Variants in FRMD4A observed in about 807,000 individuals in gnomAD.
The protein encoded by FRMD4A is FERM domain containing 4A, also known as FERM domain-containing protein 4A.
FRMD4A carries 29 observed loss-of-function variants against 129.1 expected under a neutral mutation model. The observed-to-expected ratio is 0.22, with a 90% CI of 0.17 to 0.31. The LOEUF (loss-of-function observed/expected upper bound fraction) is 0.31, where lower values mean the gene tolerates loss of function less well. FRMD4A is among the 10% of genes least tolerant of loss of function. FRMD4A has a pLI of 1.00. For synonymous variants in FRMD4A, 634 were observed against 571.6 expected, an observed-to-expected ratio of 1.11 and a Z score of -1.56; for missense variants, 1,272 against 1,375.8, an observed-to-expected ratio of 0.92 and a Z score of 1.19.
At chr10:13,703,778 G>A (rs1284075529) in intron 13 of FRMD4A, among the ~76,000 whole-genome samples, 1 of 152,178 alleles carries the variant, frequency 6.6e-6, no homozygotes, top group African/African-American at 2.4e-5. Context: ...ACACTGAGGC[G>A]GGTGGATCAC....
chr10:13,848,646 G>C (rs570556896), intron 3 of FRMD4A, among the ~76,000 whole-genome samples: 3 of 147,750 alleles, frequency 2.0e-5, no homozygotes, highest in African/African-American at 7.5e-5. Flanking sequence ...GTGTAAACGC[G>C]GCAGGGGGTT....
chr10:14,320,554 C>T (rs1426698893), intron 2 of FRMD4A, among the ~76,000 whole-genome samples: 1 of 152,224 alleles, frequency 6.6e-6, no homozygotes, highest in Admixed American at 6.5e-5. Flanking sequence ...TTCTAGATCT[C>T]ACACACCTGT....
In FRMD4A at chr10:13,701,483, G is replaced by A. The variant is rs750749229; in HGVS notation, c.837-5C>T. ...GTCCTCCTTGTCACTGAAGCCCTGG[G>A]GAAGCAAGAATCACAAGGTTCAATC... On this transcript the variant is annotated splice_polypyrimidine_tract_variant and splice_region_variant and intron_variant, in intron 13 of 24. Coordinates refer to ENST00000357447, the MANE Select transcript of FRMD4A (RefSeq NM_018027.5). 40 of 1,611,492 alleles carry A rather than the reference G, an allele frequency of 2.5e-5. 1 individual carries two copies. The South Asian group carries it at 4.3e-4, about 17-fold the overall frequency.
At position 14,308,638 on chromosome 10, in the gene FRMD4A, TA is replaced by T. The variant is rs528057516; in HGVS notation, c.45+21419del. Among the ~76,000 whole-genome samples, 7 of 152,366 alleles carry T rather than the reference TA, an allele frequency of 4.6e-5. No individual in the cohort carries two copies. In the East Asian group the frequency reaches 1.4e-3, roughly 29 times the overall value. On this transcript the variant is annotated intron_variant, in intron 2 of 24. Coordinates refer to ENST00000357447, the MANE Select transcript of FRMD4A (RefSeq NM_018027.5). ...GTAGTTACTGTACCTCTTTTAAGTT[TA>T]TTCTCCAGTTTAATGACAAGAGCAT...
intron 2 of FRMD4A, among the ~76,000 whole-genome samples, chr10:13,922,627 A>G (rs2095086115): frequency 1.3e-5 from 2 of 152,216 alleles, no homozygotes; most frequent in African/African-American, 2.4e-5. Context: ...ACTAGAGGGC[A>G]AAATTCCTGC....
chr10:14,076,898 G>A (rs1486285272), intron 2 of FRMD4A, among the ~76,000 whole-genome samples: 1 of 152,194 alleles, frequency 6.6e-6, no homozygotes, highest in Non-Finnish European at 1.5e-5. Context: ...CACAAGTCAG[G>A]GAGTTGGAGG....
intron 2 of FRMD4A, among the ~76,000 whole-genome samples, chr10:14,006,383 A>G (rs1230722160): frequency 6.6e-6 from 1 of 152,226 alleles, no homozygotes; most frequent in Non-Finnish European, 1.5e-5. Flanking sequence ...AACATACCCA[A>G]TAACAGACAT....
chr10:14,090,232 C>T (rs1161024860), intron 2 of FRMD4A, among the ~76,000 whole-genome samples: 2 of 152,090 alleles, frequency 1.3e-5, no homozygotes, highest in South Asian at 2.1e-4. Flanking sequence ...GACCGCTGCA[C>T]GGGAGAGAAT....
intron 18 of FRMD4A, among the ~76,000 whole-genome samples, chr10:13,665,214 C>G (rs368271915): frequency 6.6e-6 from 1 of 152,202 alleles, no homozygotes; most frequent in East Asian, 1.9e-4. Flanking sequence ...TGGCATCAAG[C>G]ACATTCCCAT....
chr10:14,231,436 G>A lies in FRMD4A; in HGVS notation c.45+98622C>T, dbSNP rs539121979. On this transcript the variant is annotated intron_variant, in intron 2 of 24. Coordinates refer to ENST00000357447, the MANE Select transcript of FRMD4A (RefSeq NM_018027.5). ...CGGCTCACTGAAAGCTCCACCTCCCGGGTTCACACCCTTCTCCTGTCTCAG... is the reference window on the plus strand; with the variant it reads ...CGGCTCACTGAAAGCTCCACCTCCCAGGTTCACACCCTTCTCCTGTCTCAG... Among the ~76,000 whole-genome samples, 6 of 148,680 alleles carry A rather than the reference G, an allele frequency of 4.0e-5. No homozygotes were observed. In the South Asian group the frequency reaches 1.2e-3, roughly 29 times the overall value.
At chr10:14,157,172 G>C (rs1341618441) in intron 2 of FRMD4A, among the ~76,000 whole-genome samples, 1 of 152,180 alleles carries the variant, frequency 6.6e-6, no homozygotes, top group Non-Finnish European at 1.5e-5. Flanking sequence ...CCATACATCA[G>C]ACCAATTTAC....
chr10:14,294,725 G>C (rs889136757), intron 2 of FRMD4A, among the ~76,000 whole-genome samples: 1 of 152,160 alleles, frequency 6.6e-6, no homozygotes, highest in Non-Finnish European at 1.5e-5. Context: ...GCCTAAATCC[G>C]CTCAGCAAGA....
At position 13,747,759 on chromosome 10, in the gene FRMD4A, C is replaced by T; in HGVS notation, c.525G>A (p.Lys175=). ...KLPALPTQAL[K]EHPSLAYCED... is the part of the protein sequence containing the mutation. ...ACCAGTAGGCCAGGGAAGGGTGCTC[C>T]TTCAGGGCTTGGGTGGGAAGGGCTG... is the stretch of plus-strand genomic sequence containing the variant. The change falls in exon 9 of 25, where the codon AAG becomes AAA. Residue 175 remains lysine, a synonymous_variant. Coordinates refer to ENST00000357447, the MANE Select transcript of FRMD4A (RefSeq NM_018027.5). 6.3e-7 allele frequency: 1 copy of T among 1,599,834 alleles called. No homozygotes were observed. The highest frequency in any genetic ancestry group is 8.6e-7 in the Non-Finnish European group (1 of 1,167,206).
At chr10:13,758,716 C>T (rs2091955186) in intron 8 of FRMD4A, among the ~76,000 whole-genome samples, 1 of 152,114 alleles carries the variant, frequency 6.6e-6, no homozygotes, top group Admixed American at 6.5e-5. Flanking sequence ...CTTAATAATC[C>T]ACTCTCCTCT....
chr10:13,650,425 T>G (rs2081473453), intron 24 of FRMD4A, among the ~76,000 whole-genome samples: 1 of 150,214 alleles, frequency 6.7e-6, no homozygotes, highest in Admixed American at 6.6e-5. Context: ...TGAACTCGTG[T>G]ATGTATTCGT....
chr10:13,974,595 C>G (rs1262854261), intron 2 of FRMD4A, among the ~76,000 whole-genome samples: 1 of 152,174 alleles, frequency 6.6e-6, no homozygotes, highest in East Asian at 1.9e-4. Flanking sequence ...GATGCAATCT[C>G]AGCTCGCTGC....
chr10:14,078,051 T>C (rs1426342424), intron 2 of FRMD4A, among the ~76,000 whole-genome samples: 2 of 152,248 alleles, frequency 1.3e-5, no homozygotes, highest in Admixed American at 6.5e-5. Context: ...CACCTGATGA[T>C]GACCCTGGCT....
rs60196881 is a variant in FRMD4A, at chr10:14,184,298, A to AT, written c.45+145759dup. On this transcript the variant is annotated intron_variant, in intron 2 of 24. Transcript: ENST00000357447. ...AGGTGCATACCACCACAACCGGTTA[A>AT]TTTTTTTTTTTTTTTTAGTAGAGAT... 3.4e-3 allele frequency among the ~76,000 whole-genome samples: 352 copies of AT among 104,892 alleles called. 21 individuals are homozygous for AT. Among genetic ancestry groups the AT allele is most frequent in the East Asian group, 7.4e-3 (25 of 3,370 alleles). The allele number at this position is 104,892 out of a possible 152,430, so 68.8% of individuals were successfully genotyped here.
intron 2 of FRMD4A, among the ~76,000 whole-genome samples, chr10:14,212,687 G>A (rs913370824): frequency 5.3e-5 from 8 of 152,196 alleles, no homozygotes; most frequent in Non-Finnish European, 1.0e-4. Flanking sequence ...TTAGGGAAGG[G>A]ATTTCAAAAT....
Sources: gnomAD v4.1 joint callset for allele counts (sites outside exome capture counted in the v4.1 genomes callset) on GRCh38, gnomAD v4.1.1 for gene constraint, MANE v1.5 for transcripts, NCBI Gene and HGNC (gene_info 2026-07-23, HGNC 2026-07-21) for gene names.